The following PLEKHM2 variants were observed in gnomAD, a reference collection of about 807,000 sequenced individuals.
PLEKHM2 encodes the protein pleckstrin homology and RUN domain containing M2.
A neutral mutation model predicts 116.3 loss-of-function variants in PLEKHM2; 77 were observed. That is an observed-to-expected ratio of 0.66 (90% CI 0.55 to 0.80). The LOEUF is 0.80. Ranked by LOEUF, PLEKHM2 falls within the 30% of genes least tolerant of loss-of-function variation. PLEKHM2 has a pLI of 0.00. For synonymous variants in PLEKHM2, 562 were observed against 571.0 expected (o/e 0.98, Z 0.22); for missense variants, 1,183 against 1,354.9 (o/e 0.87, Z 1.99).
intron 1 of PLEKHM2, among the ~76,000 whole-genome samples, chr1:15,697,855 C>T (rs1048281569): frequency 1.3e-5 from 2 of 151,690 alleles, no homozygotes; most frequent in Non-Finnish European, 2.9e-5. Context: ...CCAGGCTGGT[C>T]ACCCCCTGCA....
At position 15,719,796 on chromosome 1, in the gene PLEKHM2, G is replaced by T. The variant is rs972561676; in HGVS notation, c.528G>T (p.Leu176=). The T allele has an allele frequency of 1.2e-6, 2 of 1,613,750 alleles. No individual in the cohort carries two copies. The highest frequency in any genetic ancestry group is 1.3e-5 in the African/African-American group (1 of 74,992). ...MPDYYKPQYL[L]DFEDRLPSSV... is the part of the protein sequence containing the mutation. Reference sequence around the variant, plus strand: ...ACTACTACAAACCTCAGTACCTGCTGGACTTTGAAGACCGCCTTCCCAGCT... The same window carrying T: ...ACTACTACAAACCTCAGTACCTGCTTGACTTTGAAGACCGCCTTCCCAGCT... The change falls in exon 6 of 20, where the codon CTG becomes CTT. Residue 176 remains leucine (L), a synonymous_variant. Coordinates refer to ENST00000375799, the MANE Select transcript of PLEKHM2 (RefSeq NM_015164.4). The surrounding 1 kb of genome is among the most constrained non-coding windows in gnomAD (Gnocchi z 4.1).
chr1:15,682,648 AAAAC>A (rs1557634366), upstream of PLEKHM2, among the ~76,000 whole-genome samples: 14 of 75,298 alleles, frequency 1.9e-4, no homozygotes, highest in African/African-American at 1.2e-3. Flanking sequence ...CAAAACAAAA[AAAAC>A]AAAAAACAAA....
At chr1:15,706,775 T>C (rs1641235553) in intron 1 of PLEKHM2, among the ~76,000 whole-genome samples, 1 of 152,188 alleles carries the variant, frequency 6.6e-6, no homozygotes, top group Admixed American at 6.6e-5. Context: ...GCTTCATTTT[T>C]TTCATAGCAC....
chr1:15,734,058 C>A lies in PLEKHM2; in HGVS notation c.*124C>A. On this transcript the variant is annotated 3_prime_UTR_variant, in exon 20 of 20. Coordinates refer to ENST00000375799, the MANE Select transcript of PLEKHM2 (RefSeq NM_015164.4). ...TCCACCCCTGCCCTGGGCGGCAGAA[C>A]CACCGAGTGTGGCTTAAGACAGGGT... The A allele has an allele frequency of 9.0e-7, 1 of 1,112,048 alleles. No individual in the cohort carries two copies. Among genetic ancestry groups the A allele is most frequent in the Non-Finnish European group, 1.2e-6 (1 of 801,718 alleles). 68.9% of individuals were successfully genotyped at this position (1,112,048 alleles called of 1,614,324 possible).
Position 15,726,995 on chromosome 1 carries a change from C to T in PLEKHM2, c.942-19C>T, listed in dbSNP as rs578031030. 1.4e-6 allele frequency: 2 copies of T among 1,441,122 alleles called. No individual in the cohort carries two copies. Among genetic ancestry groups the T allele is most frequent in the Non-Finnish European group, 1.8e-6 (2 of 1,089,542 alleles). 89.3% of individuals were successfully genotyped at this position (1,441,122 alleles called of 1,614,324 possible). ...GGACTACTCAGGGGTTAACACTCTC[C>T]CCGTCGTTACTGTCCCAGGGTCACC... On this transcript the variant is annotated intron_variant, in intron 8 of 19. Coordinates refer to ENST00000375799, the MANE Select transcript of PLEKHM2 (RefSeq NM_015164.4).
At chr1:15,723,702 G>A (rs138327321) in intron 7 of PLEKHM2, among the ~76,000 whole-genome samples, 8 of 144,480 alleles carry the variant, frequency 5.5e-5, no homozygotes, top group Non-Finnish European at 8.9e-5. Context: ...CTGTGATTGC[G>A]CCACTGCGCT....
chr1:15,723,711 C>T (rs2068023535), intron 7 of PLEKHM2, among the ~76,000 whole-genome samples: 1 of 148,626 alleles, frequency 6.7e-6, no homozygotes, highest in Non-Finnish European at 1.5e-5. Context: ...CGCCACTGCG[C>T]TCCAGTCCGA....
rs757266026 is a variant in PLEKHM2, at chr1:15,729,222, T to C, written c.2075+32T>C. 2 of 1,582,690 alleles carry C rather than the reference T, an allele frequency of 1.3e-6. No homozygotes were observed. Among genetic ancestry groups the C allele is most frequent in the Non-Finnish European group, 1.7e-6 (2 of 1,160,622 alleles). ...GGCAACCCCGCCCCTCTGGAAGGATTGGAGAGTTCGCAGCCGCCCATAGGT... is the reference window on the plus strand; with the variant it reads ...GGCAACCCCGCCCCTCTGGAAGGATCGGAGAGTTCGCAGCCGCCCATAGGT... On this transcript the variant is annotated intron_variant, in intron 13 of 19. Transcript: ENST00000375799. The surrounding 1 kb of genome is among the most constrained non-coding windows in gnomAD (Gnocchi z 4.7).
Position 15,684,631 on chromosome 1 carries a change from T to C in PLEKHM2, c.60+13T>C. ...GTCGGTGAAGAAGGTGAGCGCGGCC[T>C]CCCTCCCGGCCGGGGCCCCTTCCTC... On this transcript the variant is annotated intron_variant, in intron 1 of 19. Coordinates refer to ENST00000375799, the MANE Select transcript of PLEKHM2 (RefSeq NM_015164.4). 1 of 1,270,188 alleles carries C rather than the reference T, an allele frequency of 7.9e-7. No individual in the cohort carries two copies. The highest frequency in any genetic ancestry group is 1.0e-6 in the Non-Finnish European group (1 of 996,488). The allele number at this position is 1,270,188 out of a possible 1,614,324, so 78.7% of individuals were successfully genotyped here.
intron 1 of PLEKHM2, among the ~76,000 whole-genome samples, chr1:15,695,941 TACAGGTGTGCA>T (rs1020545277): frequency 4.6e-5 from 7 of 151,824 alleles, no homozygotes; most frequent in Admixed American, 1.3e-4. Context: ...TAGCTGGTAC[TACAGGTGTGCA>T]CCACCACGTC....
At position 15,721,300 on chromosome 1, in the gene PLEKHM2, A is replaced by G. The variant is rs1352782150; in HGVS notation, c.653-29A>G. The G allele has an allele frequency of 8.1e-6, 12 of 1,480,460 alleles. No homozygotes were observed. The highest frequency in any genetic ancestry group is 1.1e-5 in the Non-Finnish European group (12 of 1,081,852). The allele number at this position is 1,480,460 out of a possible 1,614,324, so 91.7% of individuals were successfully genotyped here. A position where few individuals can be genotyped will look rare whatever the true frequency, so the allele number is the denominator to read the frequency against. On this transcript the variant is annotated intron_variant, in intron 6 of 19. Coordinates refer to ENST00000375799, the MANE Select transcript of PLEKHM2 (RefSeq NM_015164.4). The surrounding 1 kb of genome is among the most constrained non-coding windows in gnomAD (Gnocchi z 5.1). The stretch of plus-strand genomic sequence containing the variant: ...CATCCTTCCACTGCCTGTGTTTCTA[A>G]TCTTCAGTTTTGTCCCTCGTTTTTG...
rs564918055 is a variant in PLEKHM2, at chr1:15,698,549, CT to C, written c.60+13949del. ...TTTCTTTTTCTTTCTTTCTTTCTTT[CT>C]TTTTTTTTTTTTTTTTTGACATAGT... is the stretch of plus-strand genomic sequence containing the variant. On this transcript the variant is annotated intron_variant, in intron 1 of 19. Coordinates refer to ENST00000375799, the MANE Select transcript of PLEKHM2 (RefSeq NM_015164.4). Among the ~76,000 whole-genome samples, 1,049 of 111,198 alleles carry C rather than the reference CT, an allele frequency of 9.4e-3. 5 individuals are homozygous for C. Among genetic ancestry groups the C allele is most frequent in the East Asian group, 0.028 (128 of 4,560 alleles). 73.0% of individuals were successfully genotyped at this position (111,198 alleles called of 152,430 possible).
At chr1:15,711,964 CA>C (rs1222655568) in intron 1 of PLEKHM2, among the ~76,000 whole-genome samples, 1 of 150,866 alleles carries the variant, frequency 6.6e-6, no homozygotes, top group Non-Finnish European at 1.5e-5. Flanking sequence ...ACTAAAAGTA[CA>C]AAATTAGCCG....
At chr1:15,683,357 T>G (rs961417509), upstream of PLEKHM2, among the ~76,000 whole-genome samples, 11 of 151,714 alleles carry the variant, frequency 7.3e-5, no homozygotes, top group African/African-American at 2.4e-4. Flanking sequence ...TAAGTGGGGC[T>G]TGCAGGCTAA....
rs1569574643 is a variant in PLEKHM2 at position 15,733,793 on chromosome 1, A to G, written c.2923-4A>G. ...TCATCTGTTCTCTGCACGCCCCAAC[A>G]CAGGTGGACCTCCCCCACACGGCGA... is the stretch of plus-strand genomic sequence containing the variant. On this transcript the variant is annotated splice_region_variant and splice_polypyrimidine_tract_variant and intron_variant, in intron 19 of 19. Transcript: ENST00000375799. 1.9e-6 allele frequency: 3 copies of G among 1,612,506 alleles called. No homozygotes were observed. Among genetic ancestry groups the G allele is most frequent in the Non-Finnish European group, 2.5e-6 (3 of 1,179,586 alleles).
chr1:15,720,156 T>C (rs1281323295), intron 6 of PLEKHM2, among the ~76,000 whole-genome samples: 3 of 146,156 alleles, frequency 2.1e-5, no homozygotes, highest in Non-Finnish European at 4.5e-5. Flanking sequence ...ATATAAAATA[T>C]ATATTTTTTA....
intron 1 of PLEKHM2, among the ~76,000 whole-genome samples, chr1:15,711,845 G>A (rs1348771495): frequency 1.3e-5 from 2 of 152,018 alleles, no homozygotes; most frequent in East Asian, 1.9e-4. Flanking sequence ...ATGGCTGGGC[G>A]CGGTGGCTCA....
intron 1 of PLEKHM2, among the ~76,000 whole-genome samples, chr1:15,714,199 C>T (rs1180137250): frequency 5.9e-5 from 9 of 152,128 alleles, no homozygotes; most frequent in East Asian, 1.9e-4. Flanking sequence ...CTTGGCTTCC[C>T]GAAGTGCTGG....
chr1:15,685,904 G>T (rs1159757637), intron 1 of PLEKHM2, among the ~76,000 whole-genome samples: 6 of 152,188 alleles, frequency 3.9e-5, no homozygotes, highest in Non-Finnish European at 8.8e-5. Flanking sequence ...CTTACTCAAG[G>T]AGGGCAGGAT....
Sources: gnomAD v4.1 joint callset for allele counts (sites outside exome capture counted in the v4.1 genomes callset) on GRCh38, gnomAD v4.1.1 for gene constraint, Gnocchi (gnomAD v3.1) non-coding constraint, MANE v1.5 for transcripts, NCBI Gene and HGNC (gene_info 2026-07-23, HGNC 2026-07-21) for gene names.